CPSF4L: variants seen among roughly 807,000 people sequenced by gnomAD.
The protein encoded by CPSF4L is putative cleavage and polyadenylation specificity factor subunit 4-like protein.
Under a neutral mutation model 24.0 loss-of-function variants are expected in CPSF4L, and 18 were observed. That is an observed-to-expected ratio of 0.75 (90% CI 0.52 to 1.11). CPSF4L has a LOEUF of 1.11. Ranked by LOEUF, CPSF4L falls within the 50% of genes least tolerant of loss-of-function variation. The pLI is 0.00. For synonymous variants in CPSF4L, 72 were observed against 77.2 expected (o/e 0.93, Z 0.35); for missense variants, 211 against 221.8 (o/e 0.95, Z 0.31).
At chr17:73,250,136 CCTCA>C in intron 5 of CPSF4L, 1 of 1,056,550 alleles carries the variant, frequency 9.5e-7, no homozygotes, top group East Asian at 2.9e-5. Flanking sequence ...TACTTCTGCA[CCTCA>C]CTCATACCCT....
At chr17:73,255,273 T>A (rs1599412988) in intron 3 of CPSF4L, among the ~76,000 whole-genome samples, 1 of 151,848 alleles carries the variant, frequency 6.6e-6, no homozygotes, top group Non-Finnish European at 1.5e-5. Flanking sequence ...GCCGAGGTGG[T>A]GATCCTTAGG....
intron 5 of CPSF4L, among the ~76,000 whole-genome samples, chr17:73,252,134 A>T (rs897652539): frequency 3.1e-4 from 47 of 151,918 alleles, no homozygotes; most frequent in African/African-American, 1.1e-3. Context: ...GGATGACGGC[A>T]CGTGCCTGCC....
At chr17:73,260,385 A>T (rs1366347185) in intron 2 of CPSF4L, among the ~76,000 whole-genome samples, 1 of 152,086 alleles carries the variant, frequency 6.6e-6, no homozygotes, top group South Asian at 2.1e-4. Flanking sequence ...AACTATGAAG[A>T]CTGCTGCTGA....
intron 3 of CPSF4L, among the ~76,000 whole-genome samples, chr17:73,256,781 C>T (rs952471407): frequency 6.6e-6 from 1 of 152,196 alleles, no homozygotes; most frequent in Non-Finnish European, 1.5e-5. Flanking sequence ...AATCCCAGCA[C>T]TTAGGGAGGC....
At chr17:73,253,892 C>G (rs1220872155) in intron 4 of CPSF4L, 39 bp downstream of exon 4, 1 of 1,429,350 alleles carries the variant, frequency 7.0e-7, no homozygotes, top group Non-Finnish European at 9.6e-7. Context: ...CACCCTGATC[C>G]CCACAGCCCC....
At chr17:73,247,195 C>T, downstream of CPSF4L, 1 of 1,562,836 alleles carries the variant, frequency 6.4e-7, no homozygotes, top group Non-Finnish European at 8.8e-7. Context: ...CGACAGAAAC[C>T]ATATGCCCTG....
At chr17:73,243,548 C>CTTT (rs111267869), downstream of CPSF4L, among the ~76,000 whole-genome samples, 3 of 135,072 alleles carry the variant, frequency 2.2e-5, no homozygotes, top group Non-Finnish European at 4.8e-5. Context: ...TTCATGTTGT[C>CTTT]TTTTTTTTTT....
At chr17:73,263,533 G>T (rs971165014), upstream of CPSF4L, among the ~76,000 whole-genome samples, 24 of 152,272 alleles carry the variant, frequency 1.6e-4, no homozygotes, top group African/African-American at 2.6e-4. Context: ...CAGTATGAAG[G>T]TTGGGGCATG....
downstream of CPSF4L, chr17:73,245,369 A>G: frequency 1.5e-6 from 2 of 1,346,970 alleles, no homozygotes; most frequent in Non-Finnish European, 1.9e-6. Flanking sequence ...TAAACGTATT[A>G]TTAATATAGA....
chr17:73,243,095 T>TG, the CPSF4L span: 17 of 937,084 alleles, frequency 1.8e-5, no homozygotes, highest in African/African-American at 3.5e-5. Flanking sequence ...TTTTTTTTTT[T>TG]TTTTTTACAG....
At chr17:73,259,232 G>A (rs1853796321) in intron 2 of CPSF4L, among the ~76,000 whole-genome samples, 1 of 152,068 alleles carries the variant, frequency 6.6e-6, no homozygotes, top group African/African-American at 2.4e-5. Context: ...TAGAGACAGG[G>A]CTTTGCCATG....
At chr17:73,248,696 G>T in intron 5 of CPSF4L, 160 bp from the exon 6 acceptor site, 1 of 739,020 alleles carries the variant, frequency 1.4e-6, no homozygotes, top group Non-Finnish European at 2.3e-6. Flanking sequence ...GAATATTCAC[G>T]GACATGCCTG....
chr17:73,257,800 T>G lies in CPSF4L; in HGVS notation c.188A>C (p.Glu63Ala), dbSNP rs756759660. ...CCAGTGCTTGCATACCACCATCTTC[T>G]CCCCTCGGTCATGTCGGAAGGGGCA... ...KLCPFRHDRG[E>A]KMVVCKHWLR... is the part of the protein sequence containing the mutation. The change falls in exon 3 of 6, where the codon GAG becomes GCG. Residue 63 changes from glutamate (E) to alanine (A), a missense_variant. Transcript: ENST00000344935. 1.2e-5 allele frequency: 19 copies of G among 1,551,244 alleles called. No homozygotes were observed. Among genetic ancestry groups the G allele is most frequent in the Middle Eastern group, 1.7e-4 (1 of 6,010 alleles).
intron 5 of CPSF4L, chr17:73,250,121 C>A: frequency 1.3e-6 from 1 of 797,726 alleles, no homozygotes; most frequent in Non-Finnish European, 1.8e-6. Context: ...CTGCCTGCCA[C>A]AGGCTACTTC....
At chr17:73,246,545 C>CA (rs1333429656), downstream of CPSF4L, among the ~76,000 whole-genome samples, 5 of 152,036 alleles carry the variant, frequency 3.3e-5, no homozygotes, top group South Asian at 1.0e-3. Flanking sequence ...TCAAAAATCC[C>CA]AAAAAACCTA....
At chr17:73,254,539 T>C (rs1163006935) in intron 3 of CPSF4L, among the ~76,000 whole-genome samples, 2 of 152,240 alleles carry the variant, frequency 1.3e-5, no homozygotes, top group Non-Finnish European at 2.9e-5. Flanking sequence ...ACCTGCATTA[T>C]ACTAAGCCTG....
intron 1 of CPSF4L, 73 bp from the exon 2 acceptor site, chr17:73,261,056 A>G (rs2062043050): frequency 1.6e-6 from 2 of 1,269,076 alleles, no homozygotes; most frequent in African/African-American, 1.5e-5. Flanking sequence ...CTCCACCTCC[A>G]TCGGCATGTC....
At position 73,261,798 on chromosome 17, in the gene CPSF4L, C is replaced by T. The variant is rs1193622500; in HGVS notation, c.21G>A (p.Gly7=). The T allele has an allele frequency of 6.4e-7, 1 of 1,551,726 alleles. No individual in the cohort carries two copies. The highest frequency in any genetic ancestry group is 8.7e-7 in the Non-Finnish European group (1 of 1,146,936). The change falls in exon 1 of 6, where the codon GGG becomes GGA. Residue 7 remains glycine (G), a synonymous_variant. Transcript: ENST00000344935. The part of the protein sequence containing the change: MQEVIA[G]LERFTFAFEK... ...CGAAGGCAAAGGTGAACCGCTCTAGCCCCGCAATGACCTCTTGCATCTTCC... is the reference window on the plus strand; with the variant it reads ...CGAAGGCAAAGGTGAACCGCTCTAGTCCCGCAATGACCTCTTGCATCTTCC...
chr17:73,260,753 C>T (rs1471133982), intron 2 of CPSF4L, among the ~76,000 whole-genome samples, 180 bp downstream of exon 2: 3 of 152,060 alleles, frequency 2.0e-5, no homozygotes, highest in East Asian at 1.9e-4. Flanking sequence ...GGCAACAGAG[C>T]GAGATTCCAT....
Sources: gnomAD v4.1 joint callset for allele counts (sites outside exome capture counted in the v4.1 genomes callset) on GRCh38, gnomAD v4.1.1 for gene constraint, MANE v1.5 for transcripts, NCBI Gene and HGNC (gene_info 2026-07-23, HGNC 2026-07-21) for gene names.